USP9X: variants seen among roughly 807,000 people sequenced by gnomAD.
USP9X encodes the protein ubiquitin carboxyl-terminal hydrolase 9X.
USP9X carries 7 observed loss-of-function variants against 190.3 expected under a neutral mutation model. The ratio of observed to expected loss-of-function variants is 0.04; its 90% confidence interval spans 0.02 to 0.07. The LOEUF (loss-of-function observed/expected upper bound fraction) is 0.07. USP9X is among the 10% of genes least tolerant of loss of function. The pLI, the probability that USP9X is intolerant of heterozygous loss-of-function variation, is 1.00. For missense variants in USP9X, 1,010 were observed against 1,916.9 expected (o/e 0.53, Z 8.83); for synonymous variants, 645 against 659.5 (o/e 0.98, Z 0.34).
At position 41,141,418 on chromosome X, in the gene USP9X, C is replaced by A; in HGVS notation, c.1148C>A (p.Ala383Asp). The A allele has an allele frequency of 8.5e-7, 1 of 1,180,516 alleles. No individual in the cohort carries two copies. Among genetic ancestry groups the A allele is most frequent in the Non-Finnish European group, 1.1e-6 (1 of 882,540 alleles). Residue 383 changes from alanine to aspartate, a missense_variant, in exon 9 of 45, where the codon GCT (alanine) becomes GAT (aspartate). Coordinates refer to ENST00000378308, the MANE Select transcript of USP9X (RefSeq NM_001039591.3). ...GNPEEEEWLT[A>D]ERMAEWIQQN... ...CCTGAGGAGGAAGAGTGGCTCACAG[C>A]TGAACGAATGGCAGTGAGTCTTTCA...
In USP9X at chrX:41,232,826, C is replaced by CA; in HGVS notation, c.*303dup. 1 of 123,500 alleles carries CA rather than the reference C, an allele frequency of 8.1e-6. No individual in the cohort carries two copies. The highest frequency in any genetic ancestry group is 1.6e-5 in the Non-Finnish European group (1 of 62,681). 10.2% of individuals were successfully genotyped at this position (123,500 alleles called of 1,213,427 possible). On this transcript the variant is annotated 3_prime_UTR_variant, in exon 45 of 45. Transcript: ENST00000378308. ...AAGAAACTTTTTTCTTGATGAGACT[C>CA]ACAGATCTACACAAACTACAAAAGT... is the stretch of plus-strand genomic sequence containing the variant.
At position 41,148,356 on chromosome X, in the gene USP9X, A is replaced by T. The variant is rs756174068; in HGVS notation, c.1420-13A>T. On this transcript the variant is annotated splice_polypyrimidine_tract_variant and intron_variant, in intron 11 of 44. Transcript: ENST00000378308. ...AATATGTGTTGTTTTCATGTCACTT[A>T]ATTTTTTTCTAGGCCAGTTGGACAA... 8.3e-7 allele frequency: 1 copy of T among 1,210,033 alleles called. No homozygotes were observed. The highest frequency in any genetic ancestry group is 2.4e-4 in the Middle Eastern group (1 of 4,183).
chrX:41,218,292 T>C (rs969433398), intron 36 of USP9X, 80 bp from the exon 37 acceptor site: 6 of 954,082 alleles, frequency 6.3e-6, no homozygotes, highest in Non-Finnish European at 8.7e-6. Flanking sequence ...CTTTTTTTTT[T>C]GGTTCAATGA....
chrX:41,205,810 A>T (rs1432251571), intron 32 of USP9X, among the ~76,000 whole-genome samples: 3 of 110,030 alleles, frequency 2.7e-5, no homozygotes, highest in Non-Finnish European at 5.7e-5. Context: ...CAACTTCAGT[A>T]GTAGTCAACT....
At position 41,186,706 on chromosome X, in the gene USP9X, G is replaced by A. The variant is rs2062879244; in HGVS notation, c.3684+64G>A. The A allele has an allele frequency of 6.2e-6, 7 of 1,124,164 alleles. No homozygotes were observed. The South Asian group carries it at 1.4e-4, about 22-fold the overall frequency. The allele number at this position is 1,124,164 out of a possible 1,213,427, so 92.6% of individuals were successfully genotyped here. The stretch of plus-strand genomic sequence containing the variant: ...CCTAGGCCCACTTATTTTAATCACT[G>A]TCTCATTCTATAGATAATGTCCCCT... On this transcript the variant is annotated intron_variant, in intron 24 of 44. Transcript: ENST00000378308.
intron 12 of USP9X, among the ~76,000 whole-genome samples, chrX:41,150,317 A>G (rs1045798922): frequency 1.8e-5 from 2 of 111,790 alleles, no homozygotes; most frequent in African/African-American, 3.2e-5. Flanking sequence ...GTAAAATACC[A>G]TAATTGAAAT....
chrX:41,114,860 G>A (rs766679116), intron 1 of USP9X, among the ~76,000 whole-genome samples: 76 of 110,604 alleles, frequency 6.9e-4, no homozygotes, highest in Non-Finnish European at 9.1e-4. Flanking sequence ...TATGTTAGTC[G>A]CCTCTTTATG....
intron 3 of USP9X, among the ~76,000 whole-genome samples, chrX:41,130,366 C>G (rs1262092750): frequency 1.8e-5 from 2 of 109,903 alleles, no homozygotes; most frequent in African/African-American, 6.6e-5. Flanking sequence ...CCATACTTGT[C>G]TGGTGGTTGG....
intron 39 of USP9X, 73 bp from the exon 40 acceptor site, chrX:41,224,669 T>G: frequency 1.1e-6 from 1 of 910,810 alleles, no homozygotes; most frequent in Non-Finnish European, 1.5e-6. Flanking sequence ...GGCTATTTTC[T>G]ATCGTGAAAG....
intron 32 of USP9X, among the ~76,000 whole-genome samples, chrX:41,208,647 C>T (rs772500342): frequency 3.9e-4 from 44 of 111,497 alleles, no homozygotes; most frequent in Admixed American, 1.2e-3. Flanking sequence ...ATTTGCTTAT[C>T]TTGCCATATG....
intron 4 of USP9X, among the ~76,000 whole-genome samples, chrX:41,132,610 T>TTTTC (rs1258343532): frequency 8.1e-5 from 9 of 110,865 alleles, no homozygotes; most frequent in African/African-American, 1.6e-4. Flanking sequence ...AGCTAATCTT[T>TTTTC]TTTCTTTCTT....
At chrX:41,189,246 AGTT>A in intron 25 of USP9X, 60 bp from the exon 26 acceptor site, 1 of 1,122,975 alleles carries the variant, frequency 8.9e-7, no homozygotes, top group South Asian at 2.0e-5. Flanking sequence ...ACTAACTAGA[AGTT>A]GTGTGAGATT....
chrX:41,126,583 G>A (rs1356012503), intron 2 of USP9X, among the ~76,000 whole-genome samples: 2 of 111,147 alleles, frequency 1.8e-5, no homozygotes, highest in Non-Finnish European at 3.8e-5. Context: ...AGAGCTCTTG[G>A]GTTTGTGATA....
At chrX:41,187,935 C>G in intron 24 of USP9X, 57 bp from the exon 25 acceptor site, 1 of 1,061,118 alleles carries the variant, frequency 9.4e-7, no homozygotes, top group Non-Finnish European at 1.2e-6. Flanking sequence ...TTTTGTTTTT[C>G]TAAACATAAT....
intron 38 of USP9X, among the ~76,000 whole-genome samples, chrX:41,220,182 A>T (rs781218912): frequency 2.7e-5 from 3 of 111,787 alleles, no homozygotes; most frequent in Non-Finnish European, 5.6e-5. Flanking sequence ...GTAATTGCAG[A>T]TATTTGGGTA....
intron 11 of USP9X, among the ~76,000 whole-genome samples, chrX:41,145,944 T>C (rs2062460290): frequency 8.9e-6 from 1 of 111,935 alleles, no homozygotes; most frequent in South Asian, 3.7e-4. Context: ...GAACAAATTA[T>C]TGAGTGAATC....
chrX:41,118,878 A>G (rs1313222883), intron 1 of USP9X, among the ~76,000 whole-genome samples: 1 of 111,596 alleles, frequency 9.0e-6, no homozygotes, highest in Non-Finnish European at 1.9e-5. Context: ...CTTTCCTTGG[A>G]AGAGAAGTGG....
chrX:41,235,893 A>G lies in USP9X; in HGVS notation c.*3369A>G, dbSNP rs1438337227. 1 of 112,295 alleles carries G rather than the reference A, an allele frequency of 8.9e-6. No homozygotes were observed. The highest frequency in any genetic ancestry group is 1.9e-5 in the Non-Finnish European group (1 of 53,179). 9.3% of individuals were successfully genotyped at this position (112,295 alleles called of 1,213,427 possible). A position where few individuals can be genotyped will look rare whatever the true frequency, so the allele number is the denominator to read the frequency against. On this transcript the variant is annotated 3_prime_UTR_variant, in exon 45 of 45. Transcript: ENST00000378308. Reference sequence around the variant, plus strand: ...AGACTTTTTTGACTTACATTTGTAAATGAAAACAAGTCTGTGAATATTCAG... The same window carrying G: ...AGACTTTTTTGACTTACATTTGTAAGTGAAAACAAGTCTGTGAATATTCAG...
At chrX:41,111,866 A>G (rs1316994988) in intron 1 of USP9X, among the ~76,000 whole-genome samples, 1 of 97,426 alleles carries the variant, frequency 1.0e-5, no homozygotes, top group Non-Finnish European at 2.0e-5. Flanking sequence ...TTTTTTTGAG[A>G]CGGAGTTTCA....
Sources: allele counts gnomAD v4.1 joint callset (sites outside exome capture counted in the v4.1 genomes callset), GRCh38; gene constraint gnomAD v4.1.1; transcripts MANE v1.5; gene names NCBI Gene and HGNC (gene_info 2026-07-23, HGNC 2026-07-21).